RYR2: variants seen among roughly 807,000 people sequenced by gnomAD.
The protein encoded by RYR2 is ryanodine receptor 2, also known as cardiac muscle ryanodine receptor-calcium release channel.
A neutral mutation model predicts 601.1 loss-of-function variants in RYR2; 227 were observed. The observed-to-expected ratio is 0.38, with a 90% CI of 0.34 to 0.42. RYR2 has a LOEUF of 0.42. RYR2 is among the 10% of genes least tolerant of loss of function. The pLI is 1.00. For synonymous variants in RYR2, 2,223 were observed against 2,175.1 expected (o/e 1.02, Z -0.61); for missense variants, 4,646 against 6,156.5 (o/e 0.75, Z 8.21).
At chr1:237,464,083 C>T (rs1463764945) in intron 16 of RYR2, among the ~76,000 whole-genome samples, 2 of 152,134 alleles carry the variant, frequency 1.3e-5, no homozygotes, top group Non-Finnish European at 2.9e-5. Flanking sequence ...CACCTGCATG[C>T]GTGCTTGCAG....
intron 43 of RYR2, among the ~76,000 whole-genome samples, chr1:237,634,666 C>A (rs1290677490): frequency 6.6e-6 from 1 of 152,120 alleles, no homozygotes; most frequent in Admixed American, 6.6e-5. Flanking sequence ...TCAATTGAGT[C>A]ATTCCACAAA....
chr1:237,117,689 TC>T (rs1670259765), intron 1 of RYR2, among the ~76,000 whole-genome samples: 1 of 81,308 alleles, frequency 1.2e-5, no homozygotes, highest in African/African-American at 5.5e-5. Context: ...TCTCTTCTCT[TC>T]TCTTCTCTTC....
chr1:237,762,868 T>C (rs1212194910), intron 84 of RYR2, among the ~76,000 whole-genome samples: 1 of 152,214 alleles, frequency 6.6e-6, no homozygotes, highest in East Asian at 1.9e-4. Context: ...TCGACTACTG[T>C]AAATGTACTA....
At chr1:237,158,255 A>C (rs2490366) in intron 1 of RYR2, among the ~76,000 whole-genome samples, 1 of 151,898 alleles carries the variant, frequency 6.6e-6, no homozygotes, top group Non-Finnish European at 1.5e-5. Flanking sequence ...TAGAGTGAGA[A>C]GACTTTCAGC....
chr1:237,091,395 G>A (rs1666927385), intron 1 of RYR2, among the ~76,000 whole-genome samples: 1 of 129,916 alleles, frequency 7.7e-6, no homozygotes, highest in Non-Finnish European at 1.6e-5. Flanking sequence ...AATTCAAACT[G>A]TAGAAACACC....
At chr1:237,313,738 T>C (rs574766252) in intron 2 of RYR2, among the ~76,000 whole-genome samples, 196 of 152,334 alleles carry the variant, frequency 1.3e-3, no homozygotes, top group African/African-American at 3.8e-3. Flanking sequence ...GGAAAAGAAA[T>C]TTGAAGACCA....
chr1:237,515,302 T>C (rs1666308527), intron 24 of RYR2, among the ~76,000 whole-genome samples: 1 of 152,230 alleles, frequency 6.6e-6, no homozygotes, highest in Non-Finnish European at 1.5e-5. Context: ...TAGAAATAAT[T>C]GATATAAGGA....
chr1:237,509,112 C>T (rs1665616691), intron 23 of RYR2, among the ~76,000 whole-genome samples: 1 of 152,140 alleles, frequency 6.6e-6, no homozygotes, highest in African/African-American at 2.4e-5. Flanking sequence ...TCAAGTTATC[C>T]TTTGCTGGGT....
At chr1:237,399,780 G>A (rs1473500435) in intron 10 of RYR2, among the ~76,000 whole-genome samples, 1 of 152,114 alleles carries the variant, frequency 6.6e-6, no homozygotes, top group East Asian at 1.9e-4. Context: ...AGGTACAGAA[G>A]TGGAGTGTGT....
At chr1:237,341,670 AG>A (rs763990445) in intron 3 of RYR2, 13 of 515,546 alleles carry the variant, frequency 2.5e-5, no homozygotes, top group African/African-American at 1.9e-4. Context: ...TGCTGACTGG[AG>A]GGACTGCAAG....
intron 104 of RYR2, among the ~76,000 whole-genome samples, chr1:237,832,143 A>G (rs1360475538): frequency 1.3e-5 from 2 of 151,550 alleles, no homozygotes; most frequent in African/African-American, 4.8e-5. Flanking sequence ...GGCTCAATAA[A>G]TCCTCCTGTT....
At chr1:237,639,480 A>G (rs149441418) in intron 46 of RYR2, among the ~76,000 whole-genome samples, 230 of 152,312 alleles carry the variant, frequency 1.5e-3, no homozygotes, top group African/African-American at 5.3e-3. Flanking sequence ...AGCTAGGGCA[A>G]GGTGGGTTGT....
chr1:237,107,327 C>T (rs559349791), intron 1 of RYR2, among the ~76,000 whole-genome samples: 6 of 151,350 alleles, frequency 4.0e-5, no homozygotes, highest in African/African-American at 1.2e-4. Flanking sequence ...CGAGACCATC[C>T]TGGCTAACAC....
At chr1:237,494,751 CT>C (rs1276551067) in intron 19 of RYR2, among the ~76,000 whole-genome samples, 1 of 152,134 alleles carries the variant, frequency 6.6e-6, no homozygotes, top group African/African-American at 2.4e-5. Context: ...TAACTTCCTC[CT>C]GTTTTAAACA....
chr1:237,236,395 G>A (rs1685556603), intron 1 of RYR2, among the ~76,000 whole-genome samples: 1 of 152,028 alleles, frequency 6.6e-6, no homozygotes, highest in Admixed American at 6.6e-5. Context: ...ATGCAGATGG[G>A]GATAAAATCT....
intron 1 of RYR2, among the ~76,000 whole-genome samples, chr1:237,172,703 G>A (rs1462864261): frequency 6.6e-6 from 1 of 152,172 alleles, no homozygotes; most frequent in Non-Finnish European, 1.5e-5. Flanking sequence ...CTTCCTTTAT[G>A]TACTCACTCT....
rs149366483 is a variant in RYR2 at position 237,401,795 on chromosome 1, G to T, written c.773+13612G>T. 4.5e-4 allele frequency among the ~76,000 whole-genome samples: 69 copies of T among 152,176 alleles called. 1 individual carries two copies. Among genetic ancestry groups the T allele is most frequent in the African/African-American group, 1.6e-3 (66 of 41,508 alleles). The stretch of plus-strand genomic sequence containing the variant: ...AAACCTCTACCCCTTTAATCGTGTG[G>T]TTTATCTTTCCAGCATGGCCAGCTC... On this transcript the variant is annotated intron_variant, in intron 10 of 104. Coordinates refer to ENST00000366574, the MANE Select transcript of RYR2 (RefSeq NM_001035.3).
At position 237,830,903 on chromosome 1, in the gene RYR2, A is replaced by G. The variant is rs905371212; in HGVS notation, c.14756+273A>G. Reference sequence around the variant, plus strand: ...CAGGGCCTCTGTGGGAGTCTTGGTCATGTTTCTCATTTTAGATAGGAATTC... The same window carrying G: ...CAGGGCCTCTGTGGGAGTCTTGGTCGTGTTTCTCATTTTAGATAGGAATTC... On this transcript the variant is annotated intron_variant, in intron 103 of 104. Coordinates refer to ENST00000366574, the MANE Select transcript of RYR2 (RefSeq NM_001035.3). Among the ~76,000 whole-genome samples the G allele has an allele frequency of 9.9e-5, 15 of 152,166 alleles. 1 individual carries two copies. The South Asian group carries it at 2.5e-3, about 25-fold the overall frequency.
At chr1:237,645,447 T>C (rs1296601692) in intron 48 of RYR2, among the ~76,000 whole-genome samples, 1 of 152,200 alleles carries the variant, frequency 6.6e-6, no homozygotes, top group East Asian at 1.9e-4. Context: ...ATATCTTTTC[T>C]TTACTCTATA....
Sources: allele counts gnomAD v4.1 joint callset (sites outside exome capture counted in the v4.1 genomes callset), GRCh38; gene constraint gnomAD v4.1.1; transcripts MANE v1.5; gene names NCBI Gene and HGNC (gene_info 2026-07-23, HGNC 2026-07-21).